The following NUP160 variants were observed in gnomAD, a reference collection of about 807,000 sequenced individuals.
The protein encoded by NUP160 is nucleoporin 160, also known as nuclear pore complex protein Nup160.
Under a neutral mutation model 196.9 loss-of-function variants are expected in NUP160, and 94 were observed. That is an observed-to-expected ratio of 0.48 (90% CI 0.40 to 0.57). The LOEUF (loss-of-function observed/expected upper bound fraction) is 0.57, where lower values mean the gene tolerates loss of function less well. Among genes scored for constraint, NUP160 ranks in the 20% least tolerant of loss-of-function variants. NUP160 has a pLI of 0.00. For missense variants in NUP160, 1,638 were observed against 1,748.3 expected, an observed-to-expected ratio of 0.94 and a Z score of 1.13; for synonymous variants, 605 against 619.7, an observed-to-expected ratio of 0.98 and a Z score of 0.35.
At position 47,803,430 on chromosome 11, in the gene NUP160, T is replaced by G. The variant is rs753494790; in HGVS notation, c.2775+8A>C. ...ATAAAGTTTATTTGCCATTCAAATG[T>G]AGTTTACCTTCTGTCCTTCTCCTGT... is the stretch of plus-strand genomic sequence containing the variant. On this transcript the variant is annotated splice_region_variant and intron_variant, in intron 22 of 35. Coordinates refer to ENST00000378460, the Ensembl canonical transcript of NUP160. 2 of 1,527,214 alleles carry G rather than the reference T, an allele frequency of 1.3e-6. No homozygotes were observed. The highest frequency in any genetic ancestry group is 1.4e-5 in the African/African-American group (1 of 73,158). The allele number at this position is 1,527,214 out of a possible 1,614,324, so 94.6% of individuals were successfully genotyped here. A position where few individuals can be genotyped will look rare whatever the true frequency, so the allele number is the denominator to read the frequency against.
At chr11:47,801,680 T>G (rs1161438205) in intron 23 of NUP160, 131 bp downstream of exon 23, 1 of 841,330 alleles carries the variant, frequency 1.2e-6, no homozygotes, top group East Asian at 2.9e-5. Context: ...GGCAAATTCA[T>G]TTTTTTTAAA....
At chr11:47,831,154 T>G (rs1852065723) in intron 7 of NUP160, among the ~76,000 whole-genome samples, 1 of 146,168 alleles carries the variant, frequency 6.8e-6, no homozygotes, top group Admixed American at 7.0e-5. Flanking sequence ...CAGAGCAAGA[T>G]TCCATCTCAA....
intron 11 of NUP160, among the ~76,000 whole-genome samples, chr11:47,816,611 C>T (rs1565199954): frequency 6.6e-6 from 1 of 151,866 alleles, no homozygotes; most frequent in Non-Finnish European, 1.5e-5. Context: ...CTTGTCTCTA[C>T]TAAAAACTAC....
chr11:47,794,276 G>A (rs1300437931), intron 27 of NUP160, among the ~76,000 whole-genome samples: 1 of 152,096 alleles, frequency 6.6e-6, no homozygotes, highest in Non-Finnish European at 1.5e-5. Flanking sequence ...GGCGGATCAT[G>A]AGGTCAGGAG....
chr11:47,828,277 G>A (rs966538352), intron 7 of NUP160, among the ~76,000 whole-genome samples: 1 of 151,760 alleles, frequency 6.6e-6, no homozygotes, highest in Non-Finnish European at 1.5e-5. Flanking sequence ...ATACAATTAT[G>A]AATATACAAA....
At chr11:47,825,764 A>AT (rs1851954405) in intron 7 of NUP160, among the ~76,000 whole-genome samples, 1 of 151,918 alleles carries the variant, frequency 6.6e-6, no homozygotes, top group Non-Finnish European at 1.5e-5. Context: ...TTGTATTTTT[A>AT]GTAGAGACAG....
intron 27 of NUP160, among the ~76,000 whole-genome samples, chr11:47,797,461 A>G (rs565149387): frequency 1.1e-4 from 17 of 152,220 alleles, no homozygotes; most frequent in African/African-American, 4.1e-4. Context: ...CTGGTCTCGA[A>G]CTCCTGACCT....
At chr11:47,797,870 A>C in exon 27 of NUP160, 1 of 1,612,050 alleles carries the variant, frequency 6.2e-7, no homozygotes, top group South Asian at 1.1e-5. Flanking sequence ...CACGTGACTC[A>C]ATTATTCCCA....
At chr11:47,831,757 T>C (rs1297958625) in intron 7 of NUP160, among the ~76,000 whole-genome samples, 1 of 140,784 alleles carries the variant, frequency 7.1e-6, no homozygotes, top group Non-Finnish European at 1.5e-5. Flanking sequence ...GCAGGGGAAC[T>C]GCTTGAACCT....
At chr11:47,839,679 A>T in intron 4 of NUP160, 164 bp downstream of exon 4, 1 of 644,146 alleles carries the variant, frequency 1.6e-6, no homozygotes, top group Non-Finnish European at 2.7e-6. Flanking sequence ...TTCCTTATCC[A>T]CTGTATAAAA....
chr11:47,815,445 C>T lies in NUP160; in HGVS notation c.1686+34G>A, dbSNP rs571107075. ...TGTTATAACAGCCACTGAACTGTCTCAAGAAGGTCTTCTCTATGCTTTAGC... is the reference window on the plus strand; with the variant it reads ...TGTTATAACAGCCACTGAACTGTCTTAAGAAGGTCTTCTCTATGCTTTAGC... On this transcript the variant is annotated intron_variant, in intron 13 of 35. Transcript: ENST00000378460. 2.6e-6 allele frequency: 4 copies of T among 1,517,196 alleles called. No individual in the cohort carries two copies. The East Asian group carries it at 7.1e-5, about 27-fold the overall frequency. The allele number at this position is 1,517,196 out of a possible 1,614,324, so 94.0% of individuals were successfully genotyped here. A position where few individuals can be genotyped will look rare whatever the true frequency, so the allele number is the denominator to read the frequency against.
intron 35 of NUP160, among the ~76,000 whole-genome samples, 182 bp from the exon 36 acceptor site, chr11:47,779,376 T>C (rs1396352657): frequency 1.3e-5 from 2 of 152,184 alleles, no homozygotes; most frequent in Non-Finnish European, 2.9e-5. Context: ...AAACTAGGCC[T>C]CTCTGTTATA....
At chr11:47,804,598 C>T (rs1180830342) in exon 21 of NUP160, 1 of 1,530,826 alleles carries the variant, frequency 6.5e-7, no homozygotes. Context: ...TAGAAAGAGA[C>T]AACCAGGATT....
intron 31 of NUP160, among the ~76,000 whole-genome samples, chr11:47,787,950 C>CT (rs1202558625): frequency 6.6e-6 from 1 of 152,064 alleles, no homozygotes; most frequent in African/African-American, 2.4e-5. Flanking sequence ...TCTTGATCTC[C>CT]TGGCCTCGTG....
intron 7 of NUP160, among the ~76,000 whole-genome samples, chr11:47,830,395 T>C (rs562519617): frequency 6.6e-6 from 1 of 152,256 alleles, no homozygotes; most frequent in East Asian, 1.9e-4. Flanking sequence ...CATTCTACCA[T>C]AAAGACAAAT....
At chr11:47,817,580 C>T (rs1213169804) in intron 11 of NUP160, among the ~76,000 whole-genome samples, 2 of 150,950 alleles carry the variant, frequency 1.3e-5, no homozygotes, top group Admixed American at 6.6e-5. Context: ...CTCTTGACCC[C>T]GTGATCCATC....
At chr11:47,805,447 C>CTTTT (rs34487443) in intron 20 of NUP160, among the ~76,000 whole-genome samples, 3,970 of 133,280 alleles carry the variant, frequency 0.03, 293 homozygotes, top group African/African-American at 0.1. Flanking sequence ...TGAATAATGT[C>CTTTT]TTTTTTTTTT....
rs1217661972 is a variant in NUP160 at position 47,780,336 on chromosome 11, G to A, written c.4221+7C>T. ...ACACAAGACGTCTCATGAAAGGGCTGACTTACTGCGATGTTGTGACTGTTG... is the reference window on the plus strand; with the variant it reads ...ACACAAGACGTCTCATGAAAGGGCTAACTTACTGCGATGTTGTGACTGTTG... On this transcript the variant is annotated splice_region_variant and intron_variant, in intron 35 of 35. Transcript: ENST00000378460. 8 of 1,595,946 alleles carry A rather than the reference G, an allele frequency of 5.0e-6. No individual in the cohort carries two copies. Among genetic ancestry groups the A allele is most frequent in the Non-Finnish European group, 5.2e-6 (6 of 1,163,832 alleles).
At chr11:47,787,492 C>T (rs990005371) in intron 31 of NUP160, among the ~76,000 whole-genome samples, 1 of 149,254 alleles carries the variant, frequency 6.7e-6, no homozygotes, top group Non-Finnish European at 1.5e-5. Context: ...TGCAGAGGCG[C>T]GATCTCAGCT....
Sources: gnomAD v4.1 joint callset for allele counts (sites outside exome capture counted in the v4.1 genomes callset) on GRCh38, gnomAD v4.1.1 for gene constraint, MANE v1.5 for transcripts, NCBI Gene and HGNC (gene_info 2026-07-23, HGNC 2026-07-21) for gene names.